Variants in MTMR6 observed in about 807,000 individuals in gnomAD.
The protein encoded by MTMR6 is myotubularin related protein 6, also known as phosphatidylinositol-3,5-bisphosphate 3-phosphatase MTMR6.
MTMR6 carries 47 observed loss-of-function variants against 80.1 expected under a neutral mutation model. The ratio of observed to expected loss-of-function variants is 0.59; its 90% CI spans 0.46 to 0.75. The LOEUF (loss-of-function observed/expected upper bound fraction) is 0.75. MTMR6 is among the 30% of genes least tolerant of loss of function. MTMR6 has a pLI of 0.00. For synonymous variants in MTMR6, 254 were observed against 253.0 expected, an observed-to-expected ratio of 1.00 and a Z score of -0.04; for missense variants, 629 against 730.9, an observed-to-expected ratio of 0.86 and a Z score of 1.61.
chr13:25,275,584 G>A (rs1957700223), intron 1 of MTMR6, among the ~76,000 whole-genome samples: 2 of 149,054 alleles, frequency 1.3e-5, no homozygotes, highest in Admixed American at 6.7e-5. Context: ...CATTACCGCC[G>A]GGTGTGGTGG....
At chr13:25,272,439 GAAT>G (rs769431291) in intron 2 of MTMR6, among the ~76,000 whole-genome samples, 2 of 151,962 alleles carry the variant, frequency 1.3e-5, no homozygotes, top group African/African-American at 2.4e-5. Flanking sequence ...TTGTTTTCTT[GAAT>G]AATACTTTTT....
At chr13:25,284,069 A>G (rs1450854377) in intron 1 of MTMR6, among the ~76,000 whole-genome samples, 2 of 152,244 alleles carry the variant, frequency 1.3e-5, no homozygotes, top group Admixed American at 1.3e-4. Flanking sequence ...ATCTCTGGTT[A>G]GCAAGCAATA....
chr13:25,281,917 C>T (rs1360662291), intron 1 of MTMR6, among the ~76,000 whole-genome samples: 1 of 152,136 alleles, frequency 6.6e-6, no homozygotes, highest in East Asian at 1.9e-4. Flanking sequence ...GATCGTAAAT[C>T]CAGTGGGCAC....
chr13:25,257,122 T>G, intron 9 of MTMR6, 74 bp downstream of exon 9: 1 of 1,452,126 alleles, frequency 6.9e-7, no homozygotes, highest in Non-Finnish European at 9.3e-7. Context: ...TCTCCAACAT[T>G]GCCAAATGTC....
chr13:25,265,911 G>A lies in MTMR6; in HGVS notation c.499C>T (p.Arg167Trp), dbSNP rs1008845745. The A allele has an allele frequency of 9.9e-6, 16 of 1,613,746 alleles. No homozygotes were observed. The highest frequency in any genetic ancestry group is 1.3e-5 in the African/African-American group (1 of 74,890). Reference sequence around the variant, plus strand: ...ACAATTATTGGTTTGCTTGCTATCCGGGGAACATAAAGTTCTCTGGGGTAA... The same window carrying A: ...ACAATTATTGGTTTGCTTGCTATCCAGGGAACATAAAGTTCTCTGGGGTAA... ...ETYPRELYVP[R>W]IASKPIIVGS... The change falls in exon 5 of 14, where the codon CGG becomes TGG. Residue 167 changes from arginine (R) to tryptophan (W), a missense_variant. Coordinates refer to ENST00000381801, the MANE Select transcript of MTMR6 (RefSeq NM_004685.5).
At chr13:25,287,110 G>T (rs142227597) in intron 1 of MTMR6, 114 bp downstream of exon 1, 1 of 1,458,278 alleles carries the variant, frequency 6.9e-7, no homozygotes, top group Non-Finnish European at 9.3e-7. Context: ...CCCGGGCCGG[G>T]TCTCCGCCGG....
rs1050014934 is a variant in MTMR6, at chr13:25,247,000, T to C, written c.*2232A>G. The stretch of plus-strand genomic sequence containing the variant: ...GCACAAAAAAATAGTGATTGTAATA[T>C]AAGCAAGTGACAGGAACAAAATGAA... On this transcript the variant is annotated 3_prime_UTR_variant, in exon 14 of 14. Transcript: ENST00000381801. 1.3e-5 allele frequency: 2 copies of C among 152,214 alleles called. No individual in the cohort carries two copies. Among genetic ancestry groups the C allele is most frequent in the Admixed American group, 1.3e-4 (2 of 15,276 alleles). 9.4% of individuals were successfully genotyped at this position (152,214 alleles called of 1,614,324 possible).
chr13:25,249,522 C>T (rs1957042879), intron 13 of MTMR6, 30 bp from the exon 14 acceptor site: 1 of 1,600,354 alleles, frequency 6.2e-7, no homozygotes, highest in South Asian at 1.1e-5. Flanking sequence ...GAAAAAATTA[C>T]TAATTGCATA....
chr13:25,253,735 A>G (rs1393125665), intron 11 of MTMR6, 29 bp downstream of exon 11: 4 of 1,590,250 alleles, frequency 2.5e-6, no homozygotes, highest in Non-Finnish European at 3.4e-6. Context: ...TAGGGGGAAA[A>G]GGAGACTCTT....
Position 25,257,748 on chromosome 13 carries a change from G to A in MTMR6, c.957C>T (p.Ile319=). Residue 319 remains isoleucine (I), a synonymous_variant, in exon 8 of 14, where the codon ATC becomes ATT. Transcript: ENST00000381801. ...GATAAAGTATTACTTTGGCCAAGAA[G>A]ATTGCAGCATCCATAACAGCTTTGA... ...RHIKAVMDAA[I]FLAKAITVEN... 1 of 1,611,030 alleles carries A rather than the reference G, an allele frequency of 6.2e-7. No homozygotes were observed. Among genetic ancestry groups the A allele is most frequent in the Non-Finnish European group, 8.5e-7 (1 of 1,177,556 alleles).
chr13:25,277,120 T>G (rs1043405449), intron 1 of MTMR6, among the ~76,000 whole-genome samples: 2 of 152,158 alleles, frequency 1.3e-5, no homozygotes, highest in African/African-American at 2.4e-5. Context: ...ACAAATACAT[T>G]TCTAATTCTG....
At chr13:25,284,741 A>G (rs1037322077) in intron 1 of MTMR6, among the ~76,000 whole-genome samples, 4 of 152,260 alleles carry the variant, frequency 2.6e-5, no homozygotes, top group African/African-American at 4.8e-5. Flanking sequence ...GGCTATGTTC[A>G]AACCAATCTT....
At chr13:25,265,607 C>T (rs796334704) in intron 5 of MTMR6, among the ~76,000 whole-genome samples, 4 of 152,066 alleles carry the variant, frequency 2.6e-5, no homozygotes, top group African/African-American at 9.6e-5. Context: ...GTGGCACGCG[C>T]CTGCAGTCCC....
At chr13:25,254,524 T>A in intron 9 of MTMR6, 90 bp from the exon 10 acceptor site, 1 of 861,680 alleles carries the variant, frequency 1.2e-6, no homozygotes, top group Non-Finnish European at 1.8e-6. Context: ...AAAACAGTAT[T>A]TACTGTACAC....
intron 1 of MTMR6, among the ~76,000 whole-genome samples, chr13:25,286,030 C>G (rs1171609498): frequency 6.6e-6 from 1 of 152,086 alleles, no homozygotes; most frequent in African/African-American, 2.4e-5. Flanking sequence ...TGGTTATAGA[C>G]TTAAGCACCC....
chr13:25,262,435 A>G lies in MTMR6; in HGVS notation c.592-633T>C, dbSNP rs546980144. 3.9e-5 allele frequency among the ~76,000 whole-genome samples: 6 copies of G among 152,298 alleles called. No individual in the cohort carries two copies. In the South Asian group the frequency reaches 1.2e-3, roughly 32 times the overall value. On this transcript the variant is annotated intron_variant, in intron 5 of 13. Coordinates refer to ENST00000381801, the MANE Select transcript of MTMR6 (RefSeq NM_004685.5). The stretch of plus-strand genomic sequence containing the variant: ...CAGTTTGGAATGCAGTGGCGTGATC[A>G]CAGCTCATTGCAGCCTTGACCTCCT...
chr13:25,269,338 A>G (rs1957519619), intron 2 of MTMR6, among the ~76,000 whole-genome samples: 1 of 152,322 alleles, frequency 6.6e-6, no homozygotes, highest in East Asian at 1.9e-4. Flanking sequence ...CTTTATCACA[A>G]TAAGAGTTTA....
chr13:25,257,406 G>T, intron 8 of MTMR6, 85 bp from the exon 9 acceptor site: 3 of 1,490,866 alleles, frequency 2.0e-6, no homozygotes, highest in Non-Finnish European at 2.7e-6. Flanking sequence ...CAGGTATTGT[G>T]TTACAAGGAA....
rs779343299 is a variant in MTMR6 at position 25,287,237 on chromosome 13, A to G, written c.11T>C (p.Ile4Thr). The G allele has an allele frequency of 3.8e-5, 61 of 1,597,722 alleles. No individual in the cohort carries two copies. The highest frequency in any genetic ancestry group is 1.6e-4 in the Middle Eastern group (1 of 6,074). The change falls in exon 1 of 14, where the codon ATC becomes ACC. Residue 4 changes from isoleucine (I) to threonine (T), a missense_variant. Transcript: ENST00000381801. ...GCGCCCGACTACCTTGGTCGTCCGG[A>G]TATGCTCCATCGCAAGGAGACGTCA... MEHIRTTKVEQVKL... is the reference protein window; with the variant it reads MEHTRTTKVEQVKL...
Sources: gnomAD v4.1 joint callset for allele counts (sites outside exome capture counted in the v4.1 genomes callset) on GRCh38, gnomAD v4.1.1 for gene constraint, MANE v1.5 for transcripts, NCBI Gene and HGNC (gene_info 2026-07-23, HGNC 2026-07-21) for gene names.